The following CABP1 variants were observed in gnomAD, a reference collection of about 807,000 sequenced individuals.
The protein encoded by CABP1 is calcium binding protein 1, also known as calcium-binding protein 1.
Under a neutral mutation model 34.3 loss-of-function variants are expected in CABP1, and 17 were observed. The ratio of observed to expected loss-of-function variants is 0.50; its 90% confidence interval spans 0.34 to 0.74. The LOEUF (loss-of-function observed/expected upper bound fraction) is 0.74, where lower values mean the gene tolerates loss of function less well. Ranked by LOEUF, CABP1 falls within the 30% of genes least tolerant of loss-of-function variation. CABP1 has a pLI of 0.01. For missense variants in CABP1, 373 were observed against 511.1 expected (o/e 0.73, Z 2.61); for synonymous variants, 198 against 229.2 (o/e 0.86, Z 1.23).
intron 1 of CABP1, among the ~76,000 whole-genome samples, chr12:120,656,516 C>T (rs1880235962): frequency 6.6e-6 from 1 of 152,106 alleles, no homozygotes; most frequent in Non-Finnish European, 1.5e-5. Flanking sequence ...GAGCACTGTG[C>T]CTAGTGTGTT....
At chr12:120,666,429 G>A (rs1301261799) in intron 5 of CABP1, among the ~76,000 whole-genome samples, 1 of 138,764 alleles carries the variant, frequency 7.2e-6, no homozygotes, top group Non-Finnish European at 1.5e-5. Flanking sequence ...AGCTGAGATC[G>A]CATCACCGCA....
chr12:120,664,558 G>A (rs73407782), intron 5 of CABP1, among the ~76,000 whole-genome samples: 2,159 of 152,206 alleles, frequency 0.014, 63 homozygotes, highest in African/African-American at 0.048. Context: ...TCCAGACAAT[G>A]GGATATTGCT....
chr12:120,640,768 G>C lies in CABP1; in HGVS notation c.83G>C (p.Arg28Pro). Reference sequence around the variant, plus strand: ...CGCGTCCTCGGGCTTGGCTCCCGCCGGGAGCCCCGTTCTCTGCCCGCCGGG... The same window carrying C: ...CGCGTCCTCGGGCTTGGCTCCCGCCCGGAGCCCCGTTCTCTGCCCGCCGGG... ...LQRVLGLGSR[R>P]EPRSLPAGGP... Residue 28 changes from arginine to proline, a missense_variant, in exon 1 of 6, where the codon CGG becomes CCG. Arg to Pro is a moderately radical substitution (Grantham distance 103, BLOSUM62 -2). Around this residue, in one of 4 missense-constraint regions of CABP1, gnomAD observed 134 missense variants for 145.4 expected, o/e 0.92. Transcript: ENST00000316803. This position sits in a 1 kb window ranked among gnomAD's most constrained non-coding sequence, Gnocchi z 6.2. The C allele has an allele frequency of 1.7e-6, 2 of 1,156,040 alleles. No individual in the cohort carries two copies. Among genetic ancestry groups the C allele is most frequent in the South Asian group, 4.0e-5 (1 of 25,168 alleles). 71.6% of individuals were successfully genotyped at this position (1,156,040 alleles called of 1,614,324 possible).
At chr12:120,651,290 G>A (rs976738894) in intron 1 of CABP1, among the ~76,000 whole-genome samples, 1 of 152,186 alleles carries the variant, frequency 6.6e-6, no homozygotes, top group Non-Finnish European at 1.5e-5. Flanking sequence ...TAGGCTGCCC[G>A]GGTGATGTGT....
the CABP1 span, among the ~76,000 whole-genome samples, chr12:120,674,908 CA>C: frequency 1.6e-3 from 217 of 131,752 alleles, 1 homozygote; most frequent in East Asian, 0.016. Context: ...CCACCTCCGC[CA>C]AAAAAAAAAA....
At chr12:120,677,789 T>G in the CABP1 span, among the ~76,000 whole-genome samples, 1 of 152,198 alleles carries the variant, frequency 6.6e-6, no homozygotes, top group African/African-American at 2.4e-5. Flanking sequence ...GAAACCAAGG[T>G]GCAGAAGGGA....
rs141725345 is a variant in CABP1 at position 120,654,060 on chromosome 12, C to G, written c.655-5818C>G. Among the ~76,000 whole-genome samples the G allele has an allele frequency of 9.2e-5, 14 of 152,346 alleles. No homozygotes were observed. The East Asian group carries it at 2.5e-3, about 27-fold the overall frequency. The stretch of plus-strand genomic sequence containing the variant: ...GTTCTGCCTCGCTCTAGTCTTGCCT[C>G]GCTCTAGTCTAGGTCCCAGAAGTCT... On this transcript the variant is annotated intron_variant, in intron 1 of 5. Coordinates refer to ENST00000316803, the MANE Select transcript of CABP1 (RefSeq NM_001033677.2).
intron 1 of CABP1, chr12:120,650,017 GTGTGTGTGCATGCACGTT>G (rs1160876452): frequency 7.1e-6 from 1 of 141,822 alleles, no homozygotes; most frequent in Non-Finnish European, 1.5e-5. Context: ...GTGCGCGCGT[GTGTGTGTGCATGCACGTT>G]TGTGTGTGTG....
intron 1 of CABP1, among the ~76,000 whole-genome samples, chr12:120,644,274 T>C (rs1361964651): frequency 1.3e-5 from 2 of 152,206 alleles, no homozygotes; most frequent in Non-Finnish European, 2.9e-5. Context: ...TCATAGTGAG[T>C]GCTGGATAAA....
At chr12:120,644,230 G>T (rs1052437405) in intron 1 of CABP1, among the ~76,000 whole-genome samples, 4 of 152,196 alleles carry the variant, frequency 2.6e-5, no homozygotes, top group South Asian at 2.1e-4. Context: ...TTATTAGGAG[G>T]CTTACACAAG....
Position 120,641,227 on chromosome 12 carries a change from T to C in CABP1, c.542T>C (p.Leu181Pro), listed in dbSNP as rs1856404474. 2 of 1,260,218 alleles carry C rather than the reference T, an allele frequency of 1.6e-6. No individual in the cohort carries two copies. Among genetic ancestry groups the C allele is most frequent in the South Asian group, 2.7e-5 (1 of 36,822 alleles). 78.1% of individuals were successfully genotyped at this position (1,260,218 alleles called of 1,614,324 possible). ...CGGGGACTGTCCCCGGCGCTCGGCC[T>C]CCGGGGCTCTCTGCGAGCCCGGGGC... ...EERGLSPALGLRGSLRARGRG... is the reference protein window; with the variant it reads ...EERGLSPALGPRGSLRARGRG... Residue 181 changes from leucine to proline, a missense_variant, in exon 1 of 6, where the codon CTC (leucine) becomes CCC (proline). By Grantham distance (98) the Leu-to-Pro change is moderately conservative. This residue lies in a region of CABP1 where 121 missense variants were observed against 125.5 expected (regional missense o/e 0.96). Transcript: ENST00000316803. The surrounding 1 kb of genome is among the most constrained non-coding windows in gnomAD (Gnocchi z 6.7).
Position 120,656,388 on chromosome 12 carries a change from C to T in CABP1, c.655-3490C>T, listed in dbSNP as rs948754985. On this transcript the variant is annotated intron_variant, in intron 1 of 5. Coordinates refer to ENST00000316803, the MANE Select transcript of CABP1 (RefSeq NM_001033677.2). ...ACACCCCCAACTTATGAATCTGATCCCCAAAGTTTTCCACTCATGGCTACA... is the reference window on the plus strand; with the variant it reads ...ACACCCCCAACTTATGAATCTGATCTCCAAAGTTTTCCACTCATGGCTACA... 3.9e-6 allele frequency: 4 copies of T among 1,033,796 alleles called. No individual in the cohort carries two copies. In the African/African-American group the frequency reaches 6.4e-5, roughly 17 times the overall value. The allele number at this position is 1,033,796 out of a possible 1,614,324, so 64.0% of individuals were successfully genotyped here. A position where few individuals can be genotyped will look rare whatever the true frequency, so the allele number is the denominator to read the frequency against.
At chr12:120,668,446 G>A (rs182843678), downstream of CABP1, among the ~76,000 whole-genome samples, 2 of 152,320 alleles carry the variant, frequency 1.3e-5, no homozygotes, top group East Asian at 1.9e-4. Context: ...ACTGGGTGAC[G>A]GAGCGAGACT....
chr12:120,646,049 T>C (rs1417056110), intron 1 of CABP1, among the ~76,000 whole-genome samples: 1 of 152,192 alleles, frequency 6.6e-6, no homozygotes, highest in Non-Finnish European at 1.5e-5. Context: ...AGACCCTGTC[T>C]CTAAAAATAA....
chr12:120,660,835 C>G lies in CABP1; in HGVS notation c.934C>G (p.Arg312Gly). 1 of 1,609,326 alleles carries G rather than the reference C, an allele frequency of 6.2e-7. No individual in the cohort carries two copies. Among genetic ancestry groups the G allele is most frequent in the Non-Finnish European group, 8.5e-7 (1 of 1,175,734 alleles). ...IGVKELRDAF[R>G]EFDTNGDGEI... ...TGTAAAGGAACTGCGAGATGCTTTC[C>G]GAGAGGTAACGGACAGAGGCAGGCA... Residue 312 changes from arginine (R) to glycine (G), a missense_variant, in exon 4 of 6, where the codon CGA (arginine) becomes GGA (glycine). Coordinates refer to ENST00000316803, the MANE Select transcript of CABP1 (RefSeq NM_001033677.2). The surrounding 1 kb of genome is among the most constrained non-coding windows in gnomAD (Gnocchi z 5.0).
intron 5 of CABP1, among the ~76,000 whole-genome samples, chr12:120,663,565 C>T (rs1310446020): frequency 4.6e-5 from 7 of 152,074 alleles, no homozygotes; most frequent in Admixed American, 3.9e-4. Context: ...CGTGAGCCAC[C>T]GCGCCCAGCC....
downstream of CABP1, among the ~76,000 whole-genome samples, chr12:120,668,446 G>T (rs182843678): frequency 6.6e-6 from 1 of 152,202 alleles, no homozygotes; most frequent in African/African-American, 2.4e-5. Context: ...ACTGGGTGAC[G>T]GAGCGAGACT....
At chr12:120,651,247 G>A (rs749118777) in intron 1 of CABP1, among the ~76,000 whole-genome samples, 16 of 152,178 alleles carry the variant, frequency 1.1e-4, no homozygotes, top group Non-Finnish European at 2.1e-4. Context: ...GACCCGAGTG[G>A]TTTTAGGGCC....
chr12:120,652,652 G>A (rs1379266609), intron 1 of CABP1, among the ~76,000 whole-genome samples: 1 of 152,198 alleles, frequency 6.6e-6, no homozygotes, highest in African/African-American at 2.4e-5. Context: ...GACCTTAGAA[G>A]TCGTCTAGTC....
Sources: gnomAD v4.1 joint callset for allele counts (sites outside exome capture counted in the v4.1 genomes callset) on GRCh38, gnomAD v4.1.1 for gene constraint, gnomAD v4.1.1 regional missense constraint, Gnocchi (gnomAD v3.1) non-coding constraint, MANE v1.5 for transcripts, NCBI Gene and HGNC (gene_info 2026-07-23, HGNC 2026-07-21) for gene names.